The following KIRREL3 variants were observed in gnomAD, a reference collection of about 807,000 sequenced individuals.
The protein encoded by KIRREL3 is kirre like nephrin family adhesion molecule 3.
KIRREL3 carries 36 observed loss-of-function variants against 89.7 expected under a neutral mutation model. The ratio of observed to expected loss-of-function variants is 0.40; its 90% CI spans 0.31 to 0.53. The LOEUF (loss-of-function observed/expected upper bound fraction) is 0.53. Among genes scored for constraint, KIRREL3 ranks in the 20% least tolerant of loss-of-function variants. The pLI is 0.49. For synonymous variants in KIRREL3, 445 were observed against 441.4 expected (o/e 1.01, Z -0.10); for missense variants, 864 against 1,056.6 (o/e 0.82, Z 2.53).
Position 126,696,761 on chromosome 11 carries a change from G to A in KIRREL3, c.56-133849C>T, listed in dbSNP as rs115232680. ...TGCAGGCACCGCCAGTGGACACACC[G>A]AACACCCCTCTTGTCCAAACACACT... On this transcript the variant is annotated intron_variant, in intron 1 of 16. Transcript: ENST00000525144. The surrounding 1 kb of genome is among the most constrained non-coding windows in gnomAD (Gnocchi z 4.4). 0.016 allele frequency among the ~76,000 whole-genome samples: 2,496 copies of A among 152,204 alleles called. 73 individuals carry two copies. Among genetic ancestry groups the A allele is most frequent in the African/African-American group, 0.057 (2,354 of 41,528 alleles).
At chr11:126,960,685 C>T (rs1416060172) in intron 1 of KIRREL3, among the ~76,000 whole-genome samples, 3 of 152,116 alleles carry the variant, frequency 2.0e-5, no homozygotes, top group Admixed American at 2.0e-4. Context: ...GTAGATCTTA[C>T]TTTTGAAGAA....
chr11:126,858,047 C>A (rs1944587889), intron 1 of KIRREL3, among the ~76,000 whole-genome samples: 1 of 152,216 alleles, frequency 6.6e-6, no homozygotes, highest in African/African-American at 2.4e-5. Context: ...TCCCCACTTA[C>A]CGTGTGAACT....
intron 1 of KIRREL3, among the ~76,000 whole-genome samples, chr11:126,818,901 T>C (rs940128605): frequency 1.8e-4 from 28 of 152,110 alleles, no homozygotes; most frequent in Non-Finnish European, 3.5e-4. Flanking sequence ...AGACATGTAC[T>C]AGATGGCAAT....
intron 1 of KIRREL3, among the ~76,000 whole-genome samples, chr11:126,810,174 A>C (rs1007987213): frequency 6.6e-6 from 1 of 152,174 alleles, no homozygotes; most frequent in African/African-American, 2.4e-5. Context: ...TATAGTTCAC[A>C]TCTTCTGTAA....
rs1459817911 is a variant in KIRREL3 at position 126,684,507 on chromosome 11, A to G, written c.56-121595T>C. ...GTTAGGGAAACCACAGGTGTCCACA[A>G]TGCCTGCCATGCTATGATTTCATCT... On this transcript the variant is annotated intron_variant, in intron 1 of 16. Transcript: ENST00000525144. This position sits in a 1 kb window ranked among gnomAD's most constrained non-coding sequence, Gnocchi z 4.2. 6.6e-6 allele frequency among the ~76,000 whole-genome samples: 1 copy of G among 152,188 alleles called. No homozygotes were observed. Among genetic ancestry groups the G allele is most frequent in the Admixed American group, 6.5e-5 (1 of 15,284 alleles).
In KIRREL3 at chr11:126,989,752, C is replaced by G. The variant is rs998825649; in HGVS notation, c.55+10703G>C. On this transcript the variant is annotated intron_variant, in intron 1 of 16. Coordinates refer to ENST00000525144, the MANE Select transcript of KIRREL3 (RefSeq NM_032531.4). The surrounding 1 kb of genome is among the most constrained non-coding windows in gnomAD (Gnocchi z 6.2). ...GAAGTCTTAGGGCCAACAGGGTTCCCCCGGTGTCTCTCCTGCAGCATGAAG... is the reference window on the plus strand; with the variant it reads ...GAAGTCTTAGGGCCAACAGGGTTCCGCCGGTGTCTCTCCTGCAGCATGAAG... 2.0e-5 allele frequency among the ~76,000 whole-genome samples: 3 copies of G among 152,176 alleles called. No homozygotes were observed. The highest frequency in any genetic ancestry group is 4.4e-5 in the Non-Finnish European group (3 of 68,046).
At chr11:126,447,844 G>T (rs1016007133) in intron 8 of KIRREL3, among the ~76,000 whole-genome samples, 1 of 152,232 alleles carries the variant, frequency 6.6e-6, no homozygotes, top group South Asian at 2.1e-4. Flanking sequence ...GGGCAAGGGG[G>T]AGGGCCAGAT....
rs1367496715 is a variant in KIRREL3, at chr11:126,566,513, G to C, written c.56-3601C>G. Among the ~76,000 whole-genome samples, 1 of 152,158 alleles carries C rather than the reference G, an allele frequency of 6.6e-6. No homozygotes were observed. The highest frequency in any genetic ancestry group is 2.4e-5 in the African/African-American group (1 of 41,440). ...GACTGTGAAGGGTTCCTTCTGACTC[G>C]GGTCAGAATGAAAATAAGTGGGCTT... On this transcript the variant is annotated intron_variant, in intron 1 of 16. Coordinates refer to ENST00000525144, the MANE Select transcript of KIRREL3 (RefSeq NM_032531.4). The surrounding 1 kb of genome is among the most constrained non-coding windows in gnomAD (Gnocchi z 4.9).
chr11:126,960,703 C>T (rs545232314), intron 1 of KIRREL3, among the ~76,000 whole-genome samples: 1 of 152,154 alleles, frequency 6.6e-6, no homozygotes, highest in African/African-American at 2.4e-5. Flanking sequence ...GAACTCCACC[C>T]CTCTCTTTTC....
rs545306912 is a variant in KIRREL3, at chr11:126,881,502, A to C, written c.55+118953T>G. Among the ~76,000 whole-genome samples, 13 of 152,314 alleles carry C rather than the reference A, an allele frequency of 8.5e-5. No homozygotes were observed. The South Asian group carries it at 2.7e-3, about 32-fold the overall frequency. Reference sequence around the variant, plus strand: ...GTCCCAGCCTAGATCTGTCGCAGCCACTGGCTGAGCTAGTTTTTCTTAAAG... The same window carrying C: ...GTCCCAGCCTAGATCTGTCGCAGCCCCTGGCTGAGCTAGTTTTTCTTAAAG... On this transcript the variant is annotated intron_variant, in intron 1 of 16. Coordinates refer to ENST00000525144, the MANE Select transcript of KIRREL3 (RefSeq NM_032531.4).
rs1945763097 is a variant in KIRREL3, at chr11:126,668,434, T to C, written c.56-105522A>G. On this transcript the variant is annotated intron_variant, in intron 1 of 16. Transcript: ENST00000525144. The surrounding 1 kb of genome is among the most constrained non-coding windows in gnomAD (Gnocchi z 4.4). ...CATTCAGAATAAAACACCCTGGCTA[T>C]AGAAGAGAGGTGGCTTTTCCTCTCC... Among the ~76,000 whole-genome samples, 1 of 152,172 alleles carries C rather than the reference T, an allele frequency of 6.6e-6. No homozygotes were observed. Among genetic ancestry groups the C allele is most frequent in the Non-Finnish European group, 1.5e-5 (1 of 68,036 alleles).
Position 126,807,680 on chromosome 11 carries a change from C to T in KIRREL3, c.55+192775G>A, listed in dbSNP as rs1272025800. Among the ~76,000 whole-genome samples the T allele has an allele frequency of 6.6e-6, 1 of 152,112 alleles. No homozygotes were observed. Among genetic ancestry groups the T allele is most frequent in the Non-Finnish European group, 1.5e-5 (1 of 68,002 alleles). ...CTGGAGTGCTTTTCCCCTTACCATT[C>T]ACCTGGATTTTGAAAAATCGTCCTT... On this transcript the variant is annotated intron_variant, in intron 1 of 16. Transcript: ENST00000525144. This position sits in a 1 kb window ranked among gnomAD's most constrained non-coding sequence, Gnocchi z 4.3.
chr11:126,693,126 C>T (rs188660851), intron 1 of KIRREL3, among the ~76,000 whole-genome samples: 1 of 152,302 alleles, frequency 6.6e-6, no homozygotes, highest in Admixed American at 6.5e-5. Context: ...CAGTTAAATT[C>T]AGCTGTGCTG....
At chr11:126,938,079 T>C (rs1364831827) in intron 1 of KIRREL3, among the ~76,000 whole-genome samples, 2 of 152,124 alleles carry the variant, frequency 1.3e-5, no homozygotes, top group Admixed American at 1.3e-4. Context: ...AACAAATGAA[T>C]CCCTACTTGT....
At position 126,970,723 on chromosome 11, in the gene KIRREL3, G is replaced by C. The variant is rs1382747313; in HGVS notation, c.55+29732C>G. Among the ~76,000 whole-genome samples, 1 of 152,146 alleles carries C rather than the reference G, an allele frequency of 6.6e-6. No homozygotes were observed. The highest frequency in any genetic ancestry group is 1.5e-5 in the Non-Finnish European group (1 of 68,014). On this transcript the variant is annotated intron_variant, in intron 1 of 16. Transcript: ENST00000525144. The surrounding 1 kb of genome is among the most constrained non-coding windows in gnomAD (Gnocchi z 4.4). The stretch of plus-strand genomic sequence containing the variant: ...ATACAGCATTTCAACCACATCCCTA[G>C]TTAAGTAAAATTTTGTGAATTAGTG...
At chr11:126,916,417 A>T (rs1017769173) in intron 1 of KIRREL3, among the ~76,000 whole-genome samples, 1 of 152,100 alleles carries the variant, frequency 6.6e-6, no homozygotes, top group African/African-American at 2.4e-5. Context: ...TTTAACACGT[A>T]CCCAGGTGAT....
At chr11:126,819,004 G>T (rs1433713740) in intron 1 of KIRREL3, among the ~76,000 whole-genome samples, 1 of 152,174 alleles carries the variant, frequency 6.6e-6, no homozygotes, top group Non-Finnish European at 1.5e-5. Context: ...AATGAACCTG[G>T]TTGGTGGGCG....
chr11:126,735,214 A>G (rs1273941654), intron 1 of KIRREL3, among the ~76,000 whole-genome samples: 1 of 152,256 alleles, frequency 6.6e-6, no homozygotes, highest in African/African-American at 2.4e-5. Flanking sequence ...TGTGAGGGCT[A>G]GATGAGATAA....
chr11:126,472,841 A>G (rs1412376559), intron 5 of KIRREL3, among the ~76,000 whole-genome samples: 1 of 151,784 alleles, frequency 6.6e-6, no homozygotes. Flanking sequence ...ACAAGGAGAC[A>G]AAGAGTGAGA....
Sources: gnomAD v4.1 joint callset for allele counts (sites outside exome capture counted in the v4.1 genomes callset) on GRCh38, gnomAD v4.1.1 for gene constraint, Gnocchi (gnomAD v3.1) non-coding constraint, MANE v1.5 for transcripts, NCBI Gene and HGNC (gene_info 2026-07-23, HGNC 2026-07-21) for gene names.